SH3RF1: variants seen among roughly 807,000 people sequenced by gnomAD.
The protein encoded by SH3RF1 is SH3 domain containing ring finger 1.
A neutral mutation model predicts 74.0 loss-of-function variants in SH3RF1; 32 were observed. The observed-to-expected ratio is 0.43, with a 90% CI of 0.33 to 0.58. SH3RF1 has a LOEUF of 0.58. Ranked by LOEUF, SH3RF1 falls within the 20% of genes least tolerant of loss-of-function variation. SH3RF1 has a pLI of 0.05. For missense variants in SH3RF1, 954 were observed against 1,130.9 expected (o/e 0.84, Z 2.24); for synonymous variants, 396 against 439.6 (o/e 0.90, Z 1.24).
chr4:169,230,388 A>G (rs1311160189), intron 2 of SH3RF1, among the ~76,000 whole-genome samples: 1 of 152,192 alleles, frequency 6.6e-6, no homozygotes, highest in Non-Finnish European at 1.5e-5. Context: ...AAGCATTTCA[A>G]AATGTTTTTT....
intron 2 of SH3RF1, among the ~76,000 whole-genome samples, chr4:169,160,805 C>T (rs958830071): frequency 5.9e-5 from 9 of 152,278 alleles, no homozygotes; most frequent in Middle Eastern, 3.4e-3. Context: ...TAAGGATAAA[C>T]GGTTAAACGA....
intron 2 of SH3RF1, among the ~76,000 whole-genome samples, chr4:169,160,972 A>T (rs1734140916): frequency 6.6e-6 from 1 of 152,194 alleles, no homozygotes; most frequent in African/African-American, 2.4e-5. Context: ...GAAAGGTCTG[A>T]GAGTCATGTC....
intron 4 of SH3RF1, among the ~76,000 whole-genome samples, chr4:169,149,240 C>T (rs1733938608): frequency 6.6e-6 from 1 of 152,214 alleles, no homozygotes. Flanking sequence ...TAAATCCTTA[C>T]CTAAACAACT....
chr4:169,148,503 T>A (rs539501417), intron 4 of SH3RF1, among the ~76,000 whole-genome samples: 2 of 152,324 alleles, frequency 1.3e-5, no homozygotes, highest in Non-Finnish European at 2.9e-5. Context: ...TTATACACGA[T>A]GAGACTTAGG....
chr4:169,256,136 A>T (rs1037883609), intron 2 of SH3RF1, among the ~76,000 whole-genome samples: 4 of 152,166 alleles, frequency 2.6e-5, no homozygotes, highest in African/African-American at 9.7e-5. Context: ...AAGTCTTAGG[A>T]GTCTAAGTCT....
chr4:169,200,967 G>A (rs561424128), intron 2 of SH3RF1, among the ~76,000 whole-genome samples: 6 of 152,196 alleles, frequency 3.9e-5, no homozygotes, highest in African/African-American at 1.4e-4. Flanking sequence ...TCTTCAGTGT[G>A]CTCTCGAGCC....
At chr4:169,161,847 TAAG>T (rs1451873172) in intron 2 of SH3RF1, among the ~76,000 whole-genome samples, 41 of 152,040 alleles carry the variant, frequency 2.7e-4, no homozygotes, top group African/African-American at 9.2e-4. Context: ...CCACACAGAG[TAAG>T]AAGTAGAAAA....
chr4:169,243,449 G>A (rs542935274), intron 2 of SH3RF1, among the ~76,000 whole-genome samples: 2 of 152,274 alleles, frequency 1.3e-5, no homozygotes, highest in South Asian at 4.1e-4. Flanking sequence ...GCAGGCAGAG[G>A]TTGCAGTGAG....
intron 4 of SH3RF1, among the ~76,000 whole-genome samples, chr4:169,151,430 C>T (rs924925175): frequency 6.6e-6 from 1 of 152,210 alleles, no homozygotes; most frequent in South Asian, 2.1e-4. Context: ...GAGCCAGGCC[C>T]ATAGTCACTT....
At chr4:169,197,103 T>G (rs917206372) in intron 2 of SH3RF1, among the ~76,000 whole-genome samples, 1 of 151,988 alleles carries the variant, frequency 6.6e-6, no homozygotes, top group African/African-American at 2.4e-5. Context: ...CCTCCTGGGT[T>G]CAAGCAATTA....
At position 169,129,476 on chromosome 4, in the gene SH3RF1, G is replaced by A. The variant is rs190616470; in HGVS notation, c.1179+570C>T. Among the ~76,000 whole-genome samples the A allele has an allele frequency of 2.8e-3, 428 of 152,212 alleles. 2 individuals carry two copies. Among genetic ancestry groups the A allele is most frequent in the Non-Finnish European group, 4.4e-3 (296 of 68,010 alleles). On this transcript the variant is annotated intron_variant, in intron 6 of 11. Transcript: ENST00000284637. ...CCATTTGGATGTTTTTAAGCAATTA[G>A]CCGTTTAGACTCTATCTGTAGGATG...
At chr4:169,251,657 G>A (rs934935649) in intron 2 of SH3RF1, among the ~76,000 whole-genome samples, 1 of 152,116 alleles carries the variant, frequency 6.6e-6, no homozygotes, top group Non-Finnish European at 1.5e-5. Context: ...CACTGGGAGC[G>A]GTCCCCATCT....
chr4:169,100,912 G>A (rs772556665), intron 11 of SH3RF1, among the ~76,000 whole-genome samples: 1 of 152,178 alleles, frequency 6.6e-6, no homozygotes, highest in African/African-American at 2.4e-5. Flanking sequence ...TCTAGTGGGA[G>A]TCTCCTTTGA....
chr4:169,156,335 C>A, intron 3 of SH3RF1, 69 bp downstream of exon 3: 1 of 1,444,914 alleles, frequency 6.9e-7, no homozygotes. Flanking sequence ...GCAACACGAG[C>A]TATATTTCTA....
chr4:169,224,871 G>A (rs970434821), intron 2 of SH3RF1, among the ~76,000 whole-genome samples: 7 of 152,186 alleles, frequency 4.6e-5, no homozygotes, highest in African/African-American at 1.7e-4. Context: ...ACATGAGGCT[G>A]GAATGGAAAA....
chr4:169,206,711 G>T (rs1455004862), intron 2 of SH3RF1, among the ~76,000 whole-genome samples: 2 of 152,048 alleles, frequency 1.3e-5, no homozygotes, highest in Admixed American at 1.3e-4. Flanking sequence ...ACCTTTATAG[G>T]GTGCACAGAG....
chr4:169,191,024 C>A (rs142580535), intron 2 of SH3RF1, among the ~76,000 whole-genome samples: 2 of 152,058 alleles, frequency 1.3e-5, no homozygotes, highest in African/African-American at 4.8e-5. Flanking sequence ...ATCCAGCATC[C>A]CTTTACGATT....
At chr4:169,189,739 G>A (rs1019579221) in intron 2 of SH3RF1, among the ~76,000 whole-genome samples, 3 of 152,146 alleles carry the variant, frequency 2.0e-5, no homozygotes, top group Non-Finnish European at 2.9e-5. Flanking sequence ...CAAGTTGCTC[G>A]AATCCCCAAA....
At chr4:169,256,447 A>G (rs1274282879) in intron 2 of SH3RF1, among the ~76,000 whole-genome samples, 1 of 152,226 alleles carries the variant, frequency 6.6e-6, no homozygotes, top group Non-Finnish European at 1.5e-5. Context: ...GAACTATCTT[A>G]TGTAGTCACT....
Sources: allele counts gnomAD v4.1 joint callset (sites outside exome capture counted in the v4.1 genomes callset), GRCh38; gene constraint gnomAD v4.1.1; transcripts MANE v1.5; gene names NCBI Gene and HGNC (gene_info 2026-07-23, HGNC 2026-07-21).